FHIT: variants seen among roughly 807,000 people sequenced by gnomAD.
FHIT encodes fragile histidine triad diadenosine triphosphatase.
Under a neutral mutation model 17.9 loss-of-function variants are expected in FHIT, and 19 were observed. The observed-to-expected ratio is 1.06, with a 90% confidence interval of 0.74 to 1.56. The LOEUF (loss-of-function observed/expected upper bound fraction) is 1.56. Among genes scored for constraint, FHIT ranks in the 40% most tolerant of loss-of-function variants. FHIT has a pLI of 0.00. For synonymous variants in FHIT, 81 were observed against 69.7 expected (o/e 1.16, Z -0.81); for missense variants, 248 against 189.2 (o/e 1.31, Z -1.82).
chr3:60,244,348 C>T (rs1299821244), intron 5 of FHIT, among the ~76,000 whole-genome samples: 1 of 151,920 alleles, frequency 6.6e-6, no homozygotes, highest in Non-Finnish European at 1.5e-5. Context: ...GATAAAAGGT[C>T]ACACAATTGT....
chr3:60,249,787 T>A (rs1319952696), intron 5 of FHIT, among the ~76,000 whole-genome samples: 2 of 151,390 alleles, frequency 1.3e-5, no homozygotes, highest in African/African-American at 4.9e-5. Flanking sequence ...AATAAAGACA[T>A]ACCTAAGACT....
chr3:60,142,349 T>C (rs751858157), intron 5 of FHIT, among the ~76,000 whole-genome samples: 5 of 152,212 alleles, frequency 3.3e-5, no homozygotes, highest in Admixed American at 6.5e-5. Context: ...GAAAGAAGTA[T>C]TCAATAAATG....
chr3:61,030,057 C>T (rs1313276145), intron 3 of FHIT, among the ~76,000 whole-genome samples: 2 of 152,152 alleles, frequency 1.3e-5, no homozygotes, highest in Non-Finnish European at 2.9e-5. Context: ...GCAACCTTTG[C>T]GTCCCAGACT....
rs1487185559 is a variant in FHIT at position 61,231,902 on chromosome 3, T to C, written c.-213+19399A>G. On this transcript the variant is annotated intron_variant, in intron 1 of 9. Transcript: ENST00000492590. ...CAGGAATGTGCCCTTATTTTTTGTA[T>C]GCCTATATTATTGAACTGGCATAAA... Among the ~76,000 whole-genome samples, 3 of 152,210 alleles carry C rather than the reference T, an allele frequency of 2.0e-5. No individual in the cohort carries two copies. The East Asian group carries it at 5.8e-4, about 29-fold the overall frequency.
chr3:60,237,588 CCA>C (rs1315286880), intron 5 of FHIT, among the ~76,000 whole-genome samples: 1 of 152,080 alleles, frequency 6.6e-6, no homozygotes, highest in African/African-American at 2.4e-5. Flanking sequence ...TTATGTTTGA[CCA>C]CAGTGAGGCA....
At chr3:60,281,045 C>CTGAAAAAAAAAGGATAA in intron 5 of FHIT, among the ~76,000 whole-genome samples, 1 of 9,322 alleles carries the variant, frequency 1.1e-4, no homozygotes, top group East Asian at 3.6e-3. Flanking sequence ...TATTTCTTTC[C>CTGAAAAAAAAAGGATAA]AATATGCCAG....
chr3:60,805,824 G>C (rs1487958363), intron 4 of FHIT, among the ~76,000 whole-genome samples: 1 of 152,116 alleles, frequency 6.6e-6, no homozygotes, highest in Non-Finnish European at 1.5e-5. Context: ...CTCCCAAAGT[G>C]CTGGGATTAC....
intron 5 of FHIT, among the ~76,000 whole-genome samples, chr3:60,368,587 A>G (rs1298432979): frequency 6.6e-6 from 1 of 152,104 alleles, no homozygotes; most frequent in East Asian, 1.9e-4. Flanking sequence ...TCAGATATAT[A>G]TATTTCAAGT....
intron 5 of FHIT, among the ~76,000 whole-genome samples, chr3:60,523,029 C>T (rs1280913687): frequency 6.6e-6 from 1 of 152,010 alleles, no homozygotes; most frequent in Non-Finnish European, 1.5e-5. Flanking sequence ...AAAATGAGAG[C>T]CAAGTGAAAG....
chr3:59,904,792 C>T (rs535418744), intron 8 of FHIT, among the ~76,000 whole-genome samples: 1 of 152,310 alleles, frequency 6.6e-6, no homozygotes, highest in Non-Finnish European at 1.5e-5. Flanking sequence ...GGTCTCCCTA[C>T]CTGAAGGTGA....
intron 5 of FHIT, among the ~76,000 whole-genome samples, chr3:60,226,573 T>G (rs555394394): frequency 2.0e-5 from 3 of 151,046 alleles, no homozygotes; most frequent in African/African-American, 7.3e-5. Flanking sequence ...CTGCACACAA[T>G]GATTGCAGGA....
intron 3 of FHIT, among the ~76,000 whole-genome samples, chr3:60,959,912 A>T (rs921018934): frequency 1.3e-5 from 2 of 151,650 alleles, no homozygotes; most frequent in Non-Finnish European, 2.9e-5. Flanking sequence ...CCCTTTCAAC[A>T]GTGAACATGC....
intron 4 of FHIT, among the ~76,000 whole-genome samples, chr3:60,814,001 A>T (rs1355657300): frequency 6.6e-6 from 1 of 152,152 alleles, no homozygotes; most frequent in African/African-American, 2.4e-5. Context: ...CTATCTCTTA[A>T]CAGAACATAG....
At chr3:59,897,909 G>T (rs536752466) in intron 8 of FHIT, among the ~76,000 whole-genome samples, 35 of 152,124 alleles carry the variant, frequency 2.3e-4, no homozygotes, top group Middle Eastern at 3.4e-3. Flanking sequence ...TGGGACTACA[G>T]GCACCCGCCA....
chr3:60,549,833 A>T (rs2036487052), intron 4 of FHIT, among the ~76,000 whole-genome samples: 1 of 152,214 alleles, frequency 6.6e-6, no homozygotes, highest in African/African-American at 2.4e-5. Flanking sequence ...TTTTAACTAG[A>T]AAAATAAAGT....
At chr3:60,087,520 T>C (rs1703546924) in intron 5 of FHIT, among the ~76,000 whole-genome samples, 1 of 152,202 alleles carries the variant, frequency 6.6e-6, no homozygotes. Flanking sequence ...ATCTTTCCTT[T>C]GCTGCTTTAA....
Position 59,748,570 on chromosome 3 carries a change from G to A in FHIT, c.*1015C>T, listed in dbSNP as rs1435538912. 6.7e-6 allele frequency among the ~76,000 whole-genome samples: 1 copy of A among 149,754 alleles called. No homozygotes were observed. Among genetic ancestry groups the A allele is most frequent in the Non-Finnish European group, 1.5e-5 (1 of 67,240 alleles). ...AGGAAGAAGTCCAGCAGGCGAGGAG[G>A]TGGGAGGTCCTCAAGGCAGAAATAG... On this transcript the variant is annotated 3_prime_UTR_variant, in exon 10 of 10. Transcript: ENST00000492590.
chr3:60,337,890 G>A (rs1455861745), intron 5 of FHIT, among the ~76,000 whole-genome samples: 3 of 152,260 alleles, frequency 2.0e-5, no homozygotes, highest in East Asian at 3.9e-4. Flanking sequence ...TCAAACTCAG[G>A]AAGTACTTTG....
At chr3:60,125,503 A>T (rs368977174) in intron 5 of FHIT, among the ~76,000 whole-genome samples, 7 of 151,918 alleles carry the variant, frequency 4.6e-5, no homozygotes, top group African/African-American at 1.7e-4. Flanking sequence ...GTGGTGGTGC[A>T]TGCCTGTAAT....
Sources: allele counts gnomAD v4.1 joint callset (sites outside exome capture counted in the v4.1 genomes callset), GRCh38; gene constraint gnomAD v4.1.1; transcripts MANE v1.5; gene names NCBI Gene and HGNC (gene_info 2026-07-23, HGNC 2026-07-21).